TMEM132B: variants seen among roughly 807,000 people sequenced by gnomAD.
TMEM132B encodes transmembrane protein 132B.
Under a neutral mutation model 90.8 loss-of-function variants are expected in TMEM132B, and 18 were observed. The ratio of observed to expected loss-of-function variants is 0.20; its 90% CI spans 0.14 to 0.29. The LOEUF is 0.29. Ranked by LOEUF, TMEM132B falls within the 10% of genes least tolerant of loss-of-function variation. TMEM132B has a pLI of 1.00. For synonymous variants in TMEM132B, 504 were observed against 523.3 expected, an observed-to-expected ratio of 0.96 and a Z score of 0.50; for missense variants, 1,096 against 1,326.8, an observed-to-expected ratio of 0.83 and a Z score of 2.70.
At chr12:125,201,325 T>C (rs1873053136) in intron 1 of TMEM132B, among the ~76,000 whole-genome samples, 1 of 152,266 alleles carries the variant, frequency 6.6e-6, no homozygotes, top group Non-Finnish European at 1.5e-5. Flanking sequence ...TCTGCTTCTC[T>C]CACACTGTAG....
intron 3 of TMEM132B, among the ~76,000 whole-genome samples, chr12:125,443,441 G>T (rs985300646): frequency 1.3e-5 from 2 of 152,248 alleles, no homozygotes; most frequent in Non-Finnish European, 2.9e-5. Context: ...CATGAAGATG[G>T]GAGTGGGGAG....
chr12:125,232,034 A>C (rs918705230), intron 1 of TMEM132B, among the ~76,000 whole-genome samples: 1 of 152,170 alleles, frequency 6.6e-6, no homozygotes, highest in Non-Finnish European at 1.5e-5. Context: ...ACTTTTTTGC[A>C]CTTTGATATA....
chr12:125,572,438 C>T (rs1041094551), intron 4 of TMEM132B, among the ~76,000 whole-genome samples: 9 of 152,212 alleles, frequency 5.9e-5, no homozygotes, highest in African/African-American at 2.2e-4. Flanking sequence ...GTTCAAGGCA[C>T]CATCTTGGAA....
At chr12:125,395,193 CGT>C (rs1566022215) in intron 2 of TMEM132B, among the ~76,000 whole-genome samples, 137 of 152,184 alleles carry the variant, frequency 9.0e-4, no homozygotes, top group African/African-American at 3.3e-3. Context: ...CAGGGTGAAC[CGT>C]TGAGTGTGTC....
rs1887135044 is a variant in TMEM132B, at chr12:125,658,740, T to TTTAA, written c.*4030_*4031insTTAA. 6.6e-6 allele frequency: 1 copy of TTTAA among 152,222 alleles called. No homozygotes were observed. Among genetic ancestry groups the TTTAA allele is most frequent in the South Asian group, 2.1e-4 (1 of 4,834 alleles). The allele number at this position is 152,222 out of a possible 1,614,324, so 9.4% of individuals were successfully genotyped here. A position where few individuals can be genotyped will look rare whatever the true frequency, so the allele number is the denominator to read the frequency against. ...AGCATGCAAAATCGTAGCTTTTAAA[T>TTTAA]GTACAGACATCCCACTCAAAAATAT... On this transcript the variant is annotated 3_prime_UTR_variant, in exon 9 of 9. Coordinates refer to ENST00000682704, the MANE Select transcript of TMEM132B (RefSeq NM_001366854.1).
intron 3 of TMEM132B, among the ~76,000 whole-genome samples, chr12:125,427,127 C>T (rs1453157638): frequency 6.6e-6 from 1 of 152,136 alleles, no homozygotes; most frequent in Non-Finnish European, 1.5e-5. Flanking sequence ...TTTGATGTGG[C>T]ACAGGTGAGG....
At chr12:125,541,985 A>G (rs10846913) in intron 4 of TMEM132B, among the ~76,000 whole-genome samples, 21,995 of 143,282 alleles carry the variant, frequency 0.15, 1,855 homozygotes, top group Middle Eastern at 0.22. Context: ...AGATCGCACC[A>G]CTACACTTCA....
At chr12:125,242,490 A>T (rs1874094470) in intron 1 of TMEM132B, among the ~76,000 whole-genome samples, 1 of 152,216 alleles carries the variant, frequency 6.6e-6, no homozygotes, top group Admixed American at 6.5e-5. Context: ...ACAGCCTATC[A>T]GTGGCAGAAC....
intron 5 of TMEM132B, 171 bp downstream of exon 5, chr12:125,584,165 C>A: frequency 1.2e-6 from 1 of 863,142 alleles, no homozygotes; most frequent in Non-Finnish European, 1.8e-6. Context: ...CTGGAATCAG[C>A]AGGCGGCTGC....
intron 3 of TMEM132B, among the ~76,000 whole-genome samples, chr12:125,446,691 T>C (rs1481397550): frequency 1.3e-5 from 2 of 152,212 alleles, no homozygotes; most frequent in Non-Finnish European, 2.9e-5. Context: ...AAATGTTTCT[T>C]TGTCCTCTCC....
At chr12:125,232,377 T>A (rs369959081) in intron 1 of TMEM132B, among the ~76,000 whole-genome samples, 2 of 152,208 alleles carry the variant, frequency 1.3e-5, no homozygotes, top group Admixed American at 6.5e-5. Flanking sequence ...TTACAGTCAG[T>A]TGATTTCTTA....
chr12:125,353,294 G>A (rs1037170354), intron 2 of TMEM132B, among the ~76,000 whole-genome samples: 1 of 152,214 alleles, frequency 6.6e-6, no homozygotes, highest in Non-Finnish European at 1.5e-5. Context: ...TGCCATGGAG[G>A]ACATTGAACC....
chr12:125,610,390 G>C (rs988746024), intron 5 of TMEM132B, among the ~76,000 whole-genome samples: 2 of 152,164 alleles, frequency 1.3e-5, no homozygotes, highest in Admixed American at 6.5e-5. Context: ...GGCTTTGGTA[G>C]ATGCCGTTTA....
intron 6 of TMEM132B, among the ~76,000 whole-genome samples, chr12:125,647,149 T>A (rs1256113483): frequency 1.3e-5 from 2 of 152,220 alleles, no homozygotes; most frequent in East Asian, 3.8e-4. Flanking sequence ...CAATGCAATT[T>A]ACTTAATCTC....
chr12:125,342,176 G>A (rs1215776602), intron 1 of TMEM132B, among the ~76,000 whole-genome samples: 4 of 152,078 alleles, frequency 2.6e-5, no homozygotes, highest in Middle Eastern at 3.4e-3. Flanking sequence ...CTTATACACC[G>A]CTCTAGGATC....
Position 125,350,560 on chromosome 12 carries a change from G to C in TMEM132B, c.959+217G>C, listed in dbSNP as rs1410759390. ...ATTTATGATCTGTGTGTTTTAAAGG[G>C]AGAATGAGGGATGGGGAAGAGTGGA... On this transcript the variant is annotated intron_variant, in intron 2 of 8. Transcript: ENST00000682704. 5.3e-5 allele frequency among the ~76,000 whole-genome samples: 8 copies of C among 152,210 alleles called. No homozygotes were observed. The East Asian group carries it at 1.3e-3, about 26-fold the overall frequency.
chr12:125,430,330 G>A (rs781779353), intron 3 of TMEM132B, among the ~76,000 whole-genome samples: 14 of 152,120 alleles, frequency 9.2e-5, no homozygotes, highest in Non-Finnish European at 1.8e-4. Context: ...AGAATTTCAC[G>A]GTAGCTCATG....
At chr12:125,280,072 C>T (rs1179730470) in intron 1 of TMEM132B, among the ~76,000 whole-genome samples, 1 of 152,146 alleles carries the variant, frequency 6.6e-6, no homozygotes, top group Non-Finnish European at 1.5e-5. Flanking sequence ...CGTCACCCAG[C>T]TCATAGGTGG....
At chr12:125,545,347 A>G (rs976274807) in intron 4 of TMEM132B, among the ~76,000 whole-genome samples, 2 of 152,250 alleles carry the variant, frequency 1.3e-5, no homozygotes, top group African/African-American at 4.8e-5. Flanking sequence ...CACACAAACC[A>G]TAGATCATTT....
Sources: allele counts gnomAD v4.1 joint callset (sites outside exome capture counted in the v4.1 genomes callset), GRCh38; gene constraint gnomAD v4.1.1; transcripts MANE v1.5; gene names NCBI Gene and HGNC (gene_info 2026-07-23, HGNC 2026-07-21).